Variants in RAPGEF4 observed in about 807,000 individuals in gnomAD.
RAPGEF4 encodes the protein RAP guanine-nucleotide-exchange factor (GEF) 4.
A neutral mutation model predicts 147.9 loss-of-function variants in RAPGEF4; 66 were observed. The ratio of observed to expected loss-of-function variants is 0.45; its 90% CI spans 0.37 to 0.55. The LOEUF (loss-of-function observed/expected upper bound fraction) is 0.55. Ranked by LOEUF, RAPGEF4 falls within the 20% of genes least tolerant of loss-of-function variation. The pLI, the probability that RAPGEF4 is intolerant of heterozygous loss-of-function variation, is 0.00. For synonymous variants in RAPGEF4, 419 were observed against 442.7 expected (o/e 0.95, Z 0.67); for missense variants, 1,071 against 1,257.3 (o/e 0.85, Z 2.24).
At chr2:172,868,901 G>A (rs1338006605) in intron 4 of RAPGEF4, among the ~76,000 whole-genome samples, 1 of 152,180 alleles carries the variant, frequency 6.6e-6, no homozygotes, top group East Asian at 1.9e-4. Flanking sequence ...AGGTGAAGGG[G>A]GAGCAGGCAT....
chr2:172,810,769 G>A (rs957511585), intron 3 of RAPGEF4, among the ~76,000 whole-genome samples: 2 of 152,104 alleles, frequency 1.3e-5, no homozygotes, highest in South Asian at 4.1e-4. Context: ...TGACACTCTG[G>A]CCTCTGTCCT....
At chr2:172,936,590 GT>G (rs58339466) in intron 6 of RAPGEF4, among the ~76,000 whole-genome samples, 77 of 143,856 alleles carry the variant, frequency 5.4e-4, no homozygotes, top group Admixed American at 6.9e-4. Flanking sequence ...CATTTTTATT[GT>G]TTTTTTTTTG....
At chr2:172,984,798 A>AG (rs1352584749) in intron 11 of RAPGEF4, among the ~76,000 whole-genome samples, 3 of 152,184 alleles carry the variant, frequency 2.0e-5, no homozygotes, top group Non-Finnish European at 2.9e-5. Context: ...TGGAATTGAG[A>AG]GGATTGTGGG....
At position 173,020,676 on chromosome 2, in the gene RAPGEF4, AC is replaced by A; in HGVS notation, c.2215del (p.Arg739AlafsTer13). 6.2e-7 allele frequency: 1 copy of A among 1,614,020 alleles called. No individual in the cohort carries two copies. The highest frequency in any genetic ancestry group is 8.5e-7 in the Non-Finnish European group (1 of 1,179,984). ...SVFTTLTING[R>X]LFACPREQFD... ...TATTTACGACGCTCACCATTAATGGACGCCTGTTTGCTTGCCCGCGAGAGCA... is the reference window on the plus strand; with the variant it reads ...TATTTACGACGCTCACCATTAATGGAGCCTGTTTGCTTGCCCGCGAGAGCA... On this transcript the variant is annotated frameshift_variant, in exon 23 of 31. Coordinates refer to ENST00000397081, the MANE Select transcript of RAPGEF4 (RefSeq NM_007023.4). LOFTEE classifies it high-confidence loss of function.
intron 4 of RAPGEF4, among the ~76,000 whole-genome samples, chr2:172,916,828 A>G (rs1684122580): frequency 6.6e-6 from 1 of 152,184 alleles, no homozygotes; most frequent in South Asian, 2.1e-4. Context: ...ATTGCTACAG[A>G]TGAAGTCTTT....
At chr2:173,044,541 C>G (rs1406432472) in intron 29 of RAPGEF4, among the ~76,000 whole-genome samples, 2 of 152,188 alleles carry the variant, frequency 1.3e-5, no homozygotes, top group Non-Finnish European at 2.9e-5. Flanking sequence ...TTCTGCACTT[C>G]CCTCCTCGAG....
chr2:173,021,352 A>C (rs1696067451), intron 23 of RAPGEF4, among the ~76,000 whole-genome samples: 1 of 152,224 alleles, frequency 6.6e-6, no homozygotes, highest in South Asian at 2.1e-4. Context: ...AACATATCTT[A>C]GAAAGCCTAG....
intron 1 of RAPGEF4, among the ~76,000 whole-genome samples, chr2:172,758,743 GA>G (rs1696020925): frequency 1.3e-5 from 2 of 152,184 alleles, no homozygotes; most frequent in Non-Finnish European, 2.9e-5. Flanking sequence ...CTGTAGATAA[GA>G]GGGGGAGTTC....
At chr2:172,895,298 A>G (rs182348116) in intron 4 of RAPGEF4, among the ~76,000 whole-genome samples, 80 of 152,264 alleles carry the variant, frequency 5.3e-4, no homozygotes, top group African/African-American at 1.9e-3. Flanking sequence ...ATTTAATTAA[A>G]AGTTTGGCTT....
In RAPGEF4 at chr2:172,983,588, G is replaced by C; in HGVS notation, c.1089+8G>C. On this transcript the variant is annotated splice_region_variant and intron_variant, in intron 11 of 30. Transcript: ENST00000397081. ...TCCCATCTTTCTACCACAGTAAGTTGTCTCTTAGTTTAGCATGGTTGGAGC... is the reference window on the plus strand; with the variant it reads ...TCCCATCTTTCTACCACAGTAAGTTCTCTCTTAGTTTAGCATGGTTGGAGC... The C allele has an allele frequency of 1.2e-6, 2 of 1,612,306 alleles. No homozygotes were observed. The highest frequency in any genetic ancestry group is 1.7e-6 in the Non-Finnish European group (2 of 1,179,564).
intron 4 of RAPGEF4, among the ~76,000 whole-genome samples, chr2:172,878,839 G>A (rs7580552): frequency 3.9e-4 from 60 of 152,262 alleles, no homozygotes; most frequent in Admixed American, 1.7e-3. Flanking sequence ...TCATAAAGAC[G>A]TAAATGGAGA....
chr2:172,936,592 T>G (rs187259560), intron 6 of RAPGEF4, among the ~76,000 whole-genome samples: 4,079 of 151,270 alleles, frequency 0.027, 85 homozygotes, highest in Middle Eastern at 0.051. Flanking sequence ...TTTTTATTGT[T>G]TTTTTTTTGC....
chr2:172,858,720 C>A (rs1391063072), intron 4 of RAPGEF4, among the ~76,000 whole-genome samples: 1 of 152,072 alleles, frequency 6.6e-6, no homozygotes, highest in East Asian at 1.9e-4. Context: ...TTAAGTATAA[C>A]CAAGTTTTAG....
intron 1 of RAPGEF4, among the ~76,000 whole-genome samples, chr2:172,779,887 C>G (rs1024216354): frequency 2.6e-5 from 4 of 152,172 alleles, no homozygotes; most frequent in South Asian, 4.1e-4. Flanking sequence ...TTCTGGTAAA[C>G]AGCAAAAATT....
intron 1 of RAPGEF4, among the ~76,000 whole-genome samples, chr2:172,749,801 G>C (rs1048094441): frequency 6.6e-6 from 1 of 152,114 alleles, no homozygotes; most frequent in African/African-American, 2.4e-5. Context: ...TTTTAAAACT[G>C]AATGTTTTTA....
intron 20 of RAPGEF4, 64 bp from the exon 21 acceptor site, chr2:173,017,362 C>T (rs548049067): frequency 4.0e-6 from 6 of 1,509,614 alleles, no homozygotes; most frequent in Non-Finnish European, 5.5e-6. Flanking sequence ...GATGTGTCTT[C>T]TCTGAGATGC....
rs150207057 is a variant in RAPGEF4 at position 172,836,821 on chromosome 2, T to C, written c.444+22396T>C. Among the ~76,000 whole-genome samples, 892 of 152,346 alleles carry C rather than the reference T, an allele frequency of 5.9e-3. 3 individuals carry two copies. The highest frequency in any genetic ancestry group is 0.01 in the Middle Eastern group (3 of 294). On this transcript the variant is annotated intron_variant, in intron 4 of 30. Coordinates refer to ENST00000397081, the MANE Select transcript of RAPGEF4 (RefSeq NM_007023.4). ...AACCCAAAGTGCCACATCAAAGTAC[T>C]CATGTTTACCAGAATTCTCATTGCA...
chr2:173,046,296 A>G (rs768476649), intron 29 of RAPGEF4, among the ~76,000 whole-genome samples: 1 of 152,256 alleles, frequency 6.6e-6, no homozygotes, highest in East Asian at 1.9e-4. Flanking sequence ...ATTTTAAACT[A>G]CATGAGCTAA....
chr2:172,821,108 A>G (rs1689017220), intron 4 of RAPGEF4, among the ~76,000 whole-genome samples: 3 of 152,208 alleles, frequency 2.0e-5, no homozygotes, highest in Admixed American at 6.5e-5. Context: ...ATGAAAGCCA[A>G]ATACTTAAAA....
Sources: gnomAD v4.1 joint callset for allele counts (sites outside exome capture counted in the v4.1 genomes callset) on GRCh38, gnomAD v4.1.1 for gene constraint, MANE v1.5 for transcripts, NCBI Gene and HGNC (gene_info 2026-07-23, HGNC 2026-07-21) for gene names.